Variants in LRRIQ3 observed in about 807,000 individuals in gnomAD.
The protein encoded by LRRIQ3 is leucine-rich repeat and IQ domain-containing protein 3.
A neutral mutation model predicts 59.3 loss-of-function variants in LRRIQ3; 75 were observed. The ratio of observed to expected loss-of-function variants is 1.26; its 90% CI spans 1.05 to 1.53. LRRIQ3 has a LOEUF of 1.53. LRRIQ3 is among the 40% of genes most tolerant of loss of function. The probability of loss-of-function intolerance (pLI) is 0.00; values close to 1 mark genes in which losing one functional copy is unlikely to be tolerated. For synonymous variants in LRRIQ3, 250 were observed against 231.3 expected (o/e 1.08, Z -0.73); for missense variants, 831 against 710.0 (o/e 1.17, Z -1.94).
At chr1:74,051,149 C>G (rs1002797446) in intron 6 of LRRIQ3, among the ~76,000 whole-genome samples, 4 of 152,040 alleles carry the variant, frequency 2.6e-5, no homozygotes, top group Admixed American at 2.6e-4. Flanking sequence ...TATGCTGGAG[C>G]CTATTTCTTT....
chr1:74,068,651 A>G (rs1273045376), intron 6 of LRRIQ3, among the ~76,000 whole-genome samples: 1 of 152,060 alleles, frequency 6.6e-6, no homozygotes, highest in Non-Finnish European at 1.5e-5. Flanking sequence ...AGATACAAAA[A>G]CAAAATACAT....
intron 5 of LRRIQ3, among the ~76,000 whole-genome samples, chr1:74,096,906 G>A (rs1268757696): frequency 6.6e-6 from 1 of 152,092 alleles, no homozygotes; most frequent in Non-Finnish European, 1.5e-5. Flanking sequence ...CGTTCCTCTG[G>A]AAGCTTCGTC....
chr1:74,190,570 T>C (rs562196955), intron 1 of LRRIQ3, among the ~76,000 whole-genome samples: 1 of 147,202 alleles, frequency 6.8e-6, no homozygotes, highest in Admixed American at 6.7e-5. Flanking sequence ...AAAGGAAAAA[T>C]AGAAAGGAAT....
intron 3 of LRRIQ3, among the ~76,000 whole-genome samples, chr1:74,159,017 A>G (rs1245597922): frequency 2.0e-5 from 3 of 152,108 alleles, no homozygotes; most frequent in African/African-American, 2.4e-5. Context: ...CTCAGGGTAA[A>G]ACAGTCTGTG....
intron 4 of LRRIQ3, among the ~76,000 whole-genome samples, chr1:74,130,370 C>A (rs1320656417): frequency 1.3e-5 from 2 of 152,074 alleles, no homozygotes; most frequent in African/African-American, 4.8e-5. Context: ...GTGCCACTTT[C>A]CACTGTGACA....
At chr1:74,114,727 T>A (rs1570139171) in intron 4 of LRRIQ3, among the ~76,000 whole-genome samples, 2 of 146,704 alleles carry the variant, frequency 1.4e-5, no homozygotes, top group Non-Finnish European at 1.5e-5. Context: ...AGAGCGAGAC[T>A]CCGTCTTAAA....
At chr1:74,044,028 T>C (rs1161161466) in intron 6 of LRRIQ3, among the ~76,000 whole-genome samples, 1 of 152,188 alleles carries the variant, frequency 6.6e-6, no homozygotes, top group Non-Finnish European at 1.5e-5. Context: ...AAAGAATTCA[T>C]ATGTTTTAAA....
intron 6 of LRRIQ3, among the ~76,000 whole-genome samples, chr1:74,050,141 C>T (rs546415357): frequency 1.3e-5 from 2 of 152,038 alleles, no homozygotes; most frequent in South Asian, 4.1e-4. Flanking sequence ...TCAGGCTGCT[C>T]TCAAACTCCT....
chr1:74,080,822 G>T (rs573818352), intron 5 of LRRIQ3, among the ~76,000 whole-genome samples: 3 of 151,708 alleles, frequency 2.0e-5, no homozygotes, highest in East Asian at 3.9e-4. Flanking sequence ...CTTCACCTTA[G>T]GGGGAGGTTA....
chr1:74,046,656 C>G (rs939373423), intron 6 of LRRIQ3, among the ~76,000 whole-genome samples: 1 of 152,092 alleles, frequency 6.6e-6, no homozygotes, highest in Non-Finnish European at 1.5e-5. Flanking sequence ...TCAGAGTGAA[C>G]AGGCAACCTA....
At chr1:74,130,948 T>G (rs1647007326) in intron 4 of LRRIQ3, among the ~76,000 whole-genome samples, 2 of 151,982 alleles carry the variant, frequency 1.3e-5, no homozygotes, top group South Asian at 4.2e-4. Context: ...CTGGAGCTGG[T>G]TTTTTGAAAA....
chr1:74,106,715 G>C (rs936116119), intron 5 of LRRIQ3, among the ~76,000 whole-genome samples: 1 of 151,910 alleles, frequency 6.6e-6, no homozygotes, highest in Non-Finnish European at 1.5e-5. Flanking sequence ...AAGGATCAAC[G>C]ATACCAAAGC....
intron 6 of LRRIQ3, among the ~76,000 whole-genome samples, chr1:74,056,915 A>G (rs1055760723): frequency 6.6e-5 from 10 of 152,108 alleles, no homozygotes; most frequent in African/African-American, 1.7e-4. Context: ...ATAATGAGGA[A>G]GTTCTCTCAA....
At chr1:74,097,381 G>T (rs1646463857) in intron 5 of LRRIQ3, among the ~76,000 whole-genome samples, 1 of 152,100 alleles carries the variant, frequency 6.6e-6, no homozygotes, top group African/African-American at 2.4e-5. Flanking sequence ...AATGAACAAA[G>T]CCTCCAAGAA....
intron 5 of LRRIQ3, chr1:74,084,292 A>C: frequency 2.8e-6 from 4 of 1,409,448 alleles, no homozygotes; most frequent in Non-Finnish European, 3.9e-6. Context: ...ATTAGTTAAC[A>C]ATAATCAGCA....
intron 5 of LRRIQ3, among the ~76,000 whole-genome samples, chr1:74,098,603 T>G (rs1455579500): frequency 6.6e-6 from 1 of 152,160 alleles, no homozygotes; most frequent in Non-Finnish European, 1.5e-5. Context: ...GAATATACAT[T>G]CTTCTCAGTA....
chr1:74,109,605 A>C, intron 4 of LRRIQ3, 52 bp from the exon 5 acceptor site: 1 of 1,451,486 alleles, frequency 6.9e-7, no homozygotes, highest in South Asian at 1.4e-5. Context: ...CCATTAAAAA[A>C]CATGAAAATT....
chr1:74,144,544 G>A, intron 4 of LRRIQ3: 1 of 192,208 alleles, frequency 5.2e-6, no homozygotes, highest in South Asian at 5.4e-5. Context: ...GACTGTAACA[G>A]TCTGTAAAAA....
At chr1:74,098,321 T>C (rs182480781) in intron 5 of LRRIQ3, among the ~76,000 whole-genome samples, 230 of 152,134 alleles carry the variant, frequency 1.5e-3, no homozygotes, top group Non-Finnish European at 2.6e-3. Flanking sequence ...CATTACAAAA[T>C]TGTTAAGGGA....
Sources: allele counts gnomAD v4.1 joint callset (sites outside exome capture counted in the v4.1 genomes callset), GRCh38; gene constraint gnomAD v4.1.1; transcripts MANE v1.5; gene names NCBI Gene and HGNC (gene_info 2026-07-23, HGNC 2026-07-21).